SCFD2: variants seen among roughly 807,000 people sequenced by gnomAD.
The protein encoded by SCFD2 is sec1 family domain containing 2.
SCFD2 carries 54 observed loss-of-function variants against 58.9 expected under a neutral mutation model. That is an observed-to-expected ratio of 0.92 (90% CI 0.74 to 1.15). The LOEUF is 1.15. SCFD2 is among the 50% of genes most tolerant of loss of function. The pLI is 0.00. For missense variants in SCFD2, 805 were observed against 836.6 expected (o/e 0.96, Z 0.47); for synonymous variants, 321 against 335.9 (o/e 0.96, Z 0.49).
At chr4:53,237,380 C>T (rs533472832) in intron 4 of SCFD2, among the ~76,000 whole-genome samples, 3 of 151,310 alleles carry the variant, frequency 2.0e-5, no homozygotes, top group South Asian at 4.2e-4. Context: ...GGGTGGTGGC[C>T]GGGCAGACGG....
intron 3 of SCFD2, among the ~76,000 whole-genome samples, chr4:53,299,289 G>A (rs1022065534): frequency 1.3e-4 from 20 of 152,202 alleles, no homozygotes; most frequent in African/African-American, 4.3e-4. Context: ...CGAGAACTAC[G>A]TGATGAATGC....
chr4:53,239,406 G>A (rs1729813710), intron 4 of SCFD2, among the ~76,000 whole-genome samples: 1 of 137,144 alleles, frequency 7.3e-6, no homozygotes, highest in Non-Finnish European at 1.6e-5. Context: ...GTGAGAGGGA[G>A]AGGGAGAGGG....
intron 5 of SCFD2, among the ~76,000 whole-genome samples, chr4:53,116,174 A>G (rs1725312898): frequency 6.6e-6 from 1 of 152,230 alleles, no homozygotes; most frequent in Non-Finnish European, 1.5e-5. Flanking sequence ...GTATATGAAC[A>G]TAGAGGATGT....
At chr4:52,961,632 G>T (rs1188103742) in intron 5 of SCFD2, among the ~76,000 whole-genome samples, 1 of 152,098 alleles carries the variant, frequency 6.6e-6, no homozygotes. Flanking sequence ...GGATGGGAGG[G>T]GAGGCATGAA....
intron 6 of SCFD2, among the ~76,000 whole-genome samples, chr4:52,915,607 C>T (rs557315540): frequency 2.0e-5 from 3 of 152,222 alleles, no homozygotes; most frequent in Admixed American, 2.0e-4. Flanking sequence ...ATCCATCCAC[C>T]CACCCAGGCT....
intron 5 of SCFD2, among the ~76,000 whole-genome samples, chr4:52,962,078 G>T (rs1384714466): frequency 5.9e-5 from 9 of 152,250 alleles, no homozygotes; most frequent in Non-Finnish European, 1.0e-4. Context: ...TACTGGTGGA[G>T]TGGGGATGAT....
chr4:53,136,361 T>C (rs1410781430), intron 5 of SCFD2, among the ~76,000 whole-genome samples: 1 of 152,172 alleles, frequency 6.6e-6, no homozygotes, highest in East Asian at 1.9e-4. Context: ...GCAGAGCGAA[T>C]AGACTAGATA....
chr4:53,216,717 T>C (rs1278311574), intron 4 of SCFD2, among the ~76,000 whole-genome samples: 1 of 152,212 alleles, frequency 6.6e-6, no homozygotes, highest in East Asian at 1.9e-4. Context: ...CTTGCTTCTC[T>C]AGTTCTTCTA....
intron 3 of SCFD2, among the ~76,000 whole-genome samples, chr4:53,301,197 C>T (rs1335090766): frequency 1.8e-4 from 27 of 151,876 alleles, no homozygotes; most frequent in South Asian, 4.2e-4. Flanking sequence ...ATTGATAGAC[C>T]GCTAGCAAGA....
chr4:52,903,239 T>G (rs1259069543), intron 7 of SCFD2, among the ~76,000 whole-genome samples: 1 of 152,206 alleles, frequency 6.6e-6, no homozygotes, highest in African/African-American at 2.4e-5. Flanking sequence ...AGAGGCAGGC[T>G]TCCTTCCCCT....
intron 5 of SCFD2, among the ~76,000 whole-genome samples, chr4:52,974,123 C>T (rs1475398802): frequency 6.6e-6 from 1 of 152,102 alleles, no homozygotes. Context: ...ACAGGGATGC[C>T]CTCTCTCACC....
intron 2 of SCFD2, among the ~76,000 whole-genome samples, chr4:53,327,077 G>A (rs537153213): frequency 6.6e-6 from 1 of 152,108 alleles, no homozygotes; most frequent in Non-Finnish European, 1.5e-5. Flanking sequence ...GAAGGGAGTT[G>A]TCTTGATACA....
At chr4:53,254,840 AT>A (rs1345217526) in intron 4 of SCFD2, among the ~76,000 whole-genome samples, 6 of 142,494 alleles carry the variant, frequency 4.2e-5, no homozygotes, top group South Asian at 2.2e-4. Flanking sequence ...ATTTTATTTT[AT>A]TTTATTTTAT....
chr4:53,257,751 T>A (rs747903519), intron 4 of SCFD2, among the ~76,000 whole-genome samples: 47 of 149,516 alleles, frequency 3.1e-4, no homozygotes, highest in Middle Eastern at 3.4e-3. Flanking sequence ...TATATTTTTT[T>A]GCCTCTTTCT....
intron 5 of SCFD2, among the ~76,000 whole-genome samples, chr4:52,943,632 G>T (rs1463975174): frequency 6.6e-6 from 1 of 152,142 alleles, no homozygotes; most frequent in Non-Finnish European, 1.5e-5. Flanking sequence ...CTTTATAAGG[G>T]CACTTAATCC....
In SCFD2 at chr4:53,140,822, T is replaced by C. The variant is rs563555198; in HGVS notation, c.1561+4511A>G. 1.2e-4 allele frequency among the ~76,000 whole-genome samples: 18 copies of C among 152,286 alleles called. No individual in the cohort carries two copies. The South Asian group carries it at 3.7e-3, about 32-fold the overall frequency. Reference sequence around the variant, plus strand: ...GTTTAGAATATCATGTTTAAAGACATGGGCTACAGATCCACAATACCTGGG... The same window carrying C: ...GTTTAGAATATCATGTTTAAAGACACGGGCTACAGATCCACAATACCTGGG... On this transcript the variant is annotated intron_variant, in intron 5 of 8. Transcript: ENST00000401642.
chr4:53,312,615 T>C (rs1247123663), intron 3 of SCFD2, among the ~76,000 whole-genome samples: 1 of 152,248 alleles, frequency 6.6e-6, no homozygotes, highest in African/African-American at 2.4e-5. Flanking sequence ...ATTCTTTTCA[T>C]GTTATAACCC....
chr4:53,136,733 C>G (rs892431590), intron 5 of SCFD2, among the ~76,000 whole-genome samples: 3 of 152,192 alleles, frequency 2.0e-5, no homozygotes, highest in African/African-American at 4.8e-5. Context: ...TACTAAGAGT[C>G]AGAGTCAAAA....
intron 4 of SCFD2, among the ~76,000 whole-genome samples, chr4:53,229,799 C>T (rs532047856): frequency 3.7e-4 from 57 of 152,242 alleles, no homozygotes; most frequent in South Asian, 1.5e-3. Flanking sequence ...AGAGCTTCTG[C>T]GCAGCAAAAG....
Sources: allele counts gnomAD v4.1 joint callset (sites outside exome capture counted in the v4.1 genomes callset), GRCh38; gene constraint gnomAD v4.1.1; transcripts MANE v1.5; gene names NCBI Gene and HGNC (gene_info 2026-07-23, HGNC 2026-07-21).